Variants in IL23R observed in about 807,000 individuals in gnomAD.
The protein encoded by IL23R is interleukin 23 receptor.
A neutral mutation model predicts 56.9 loss-of-function variants in IL23R; 34 were observed. The observed-to-expected ratio is 0.60, with a 90% CI of 0.45 to 0.80. The LOEUF (loss-of-function observed/expected upper bound fraction) is 0.80, where lower values mean the gene tolerates loss of function less well. Among genes scored for constraint, IL23R ranks in the 30% least tolerant of loss-of-function variants. The pLI is 0.00. For synonymous variants in IL23R, 230 were observed against 249.2 expected (o/e 0.92, Z 0.73); for missense variants, 635 against 730.0 (o/e 0.87, Z 1.50).
chr1:67,178,088 C>T (rs1346071670), intron 3 of IL23R, among the ~76,000 whole-genome samples: 3 of 152,082 alleles, frequency 2.0e-5, no homozygotes, highest in Non-Finnish European at 4.4e-5. Context: ...TTAGGATTGA[C>T]TTGGCGATGC....
rs570051443 is a variant in IL23R at position 67,233,984 on chromosome 1, T to C, written c.956-2729T>C. On this transcript the variant is annotated intron_variant, in intron 7 of 10. Coordinates refer to ENST00000347310, the MANE Select transcript of IL23R (RefSeq NM_144701.3). ...GTGTGTGTGTGTGTGAGATTCTGTG[T>C]TTGCTAATGCTTTTGTATGTTAAAA... Among the ~76,000 whole-genome samples, 5 of 151,402 alleles carry C rather than the reference T, an allele frequency of 3.3e-5. No individual in the cohort carries two copies. The South Asian group carries it at 1.0e-3, about 32-fold the overall frequency.
intron 5 of IL23R, among the ~76,000 whole-genome samples, chr1:67,205,071 G>A (rs1247730583): frequency 1.3e-5 from 2 of 152,110 alleles, no homozygotes; most frequent in African/African-American, 4.8e-5. Context: ...GTGAGCCACT[G>A]CGTCCAGCCT....
At position 67,155,748 on chromosome 1, in the gene IL23R, T is replaced by C. The variant is rs191626689; in HGVS notation, c.-633-12344T>C. On this transcript the variant is annotated intron_variant, in intron 1 of 10. Coordinates refer to the IL23R transcript ENST00000637002. ...CATTGGGTTAGAACATGCTCCTTTA[T>C]CTTGGCAGTTTGTTATTATCCACCT... is the stretch of plus-strand genomic sequence containing the variant. Among the ~76,000 whole-genome samples the C allele has an allele frequency of 1.5e-3, 221 of 152,288 alleles. 1 individual carries two copies. The highest frequency in any genetic ancestry group is 2.4e-3 in the Non-Finnish European group (160 of 67,990).
intron 1 of IL23R, among the ~76,000 whole-genome samples, chr1:67,159,697 G>A (rs114460665): frequency 0.019 from 2,917 of 152,274 alleles, 86 homozygotes; most frequent in African/African-American, 0.066. Flanking sequence ...GTTTGAGGCT[G>A]TAGCATGCTA....
chr1:67,146,732 C>T (rs894216905), intron 1 of IL23R, among the ~76,000 whole-genome samples: 7 of 152,146 alleles, frequency 4.6e-5, no homozygotes, highest in Admixed American at 3.3e-4. Context: ...TTTAGACATG[C>T]CCAGAGAAGA....
Position 67,259,149 on chromosome 1 carries a change from T to C in IL23R, c.*21T>C, listed in dbSNP as rs758389088. On this transcript the variant is annotated 3_prime_UTR_variant, in exon 11 of 11. Transcript: ENST00000347310. ...AGTAGAGCTGTGTGGTCAAAATCAA[T>C]ATGAGAAAGCTGCCTTGCAATCTGA... 4 of 1,612,776 alleles carry C rather than the reference T, an allele frequency of 2.5e-6. No individual in the cohort carries two copies. Among genetic ancestry groups the C allele is most frequent in the Non-Finnish European group, 3.4e-6 (4 of 1,179,174 alleles).
At chr1:67,249,712 G>A (rs970017996) in intron 9 of IL23R, among the ~76,000 whole-genome samples, 2 of 152,008 alleles carry the variant, frequency 1.3e-5, no homozygotes, top group Non-Finnish European at 2.9e-5. Flanking sequence ...GCCCTCTGTA[G>A]CATCCAAAAT....
intron 5 of IL23R, among the ~76,000 whole-genome samples, chr1:67,203,894 A>C (rs1194488702): frequency 1.3e-5 from 2 of 152,188 alleles, no homozygotes; most frequent in African/African-American, 4.8e-5. Flanking sequence ...AGGGAAATAA[A>C]TTCGGGTACA....
chr1:67,232,887 A>T (rs1421475781), intron 7 of IL23R, among the ~76,000 whole-genome samples: 1 of 151,876 alleles, frequency 6.6e-6, no homozygotes, highest in Non-Finnish European at 1.5e-5. Flanking sequence ...GTAAGTTCTC[A>T]TGAGATATGA....
chr1:67,249,906 C>T (rs1431002960), intron 9 of IL23R, among the ~76,000 whole-genome samples: 1 of 152,106 alleles, frequency 6.6e-6, no homozygotes, highest in African/African-American at 2.4e-5. Context: ...CTAAGAAAAA[C>T]ATGTTGTGCT....
intron 2 of IL23R, among the ~76,000 whole-genome samples, chr1:67,169,005 G>C (rs957261218): frequency 6.6e-6 from 1 of 151,998 alleles, no homozygotes; most frequent in Non-Finnish European, 1.5e-5. Context: ...GCCGGGCGTG[G>C]TGGTGCTCAC....
chr1:67,265,427 A>T, the IL23R span, among the ~76,000 whole-genome samples: 1 of 152,238 alleles, frequency 6.6e-6, no homozygotes, highest in South Asian at 2.1e-4. Context: ...ATGATAAAAT[A>T]TGATATTGTC....
chr1:67,153,328 T>C (rs1402449237), intron 1 of IL23R, among the ~76,000 whole-genome samples: 1 of 152,140 alleles, frequency 6.6e-6, no homozygotes, highest in African/African-American at 2.4e-5. Context: ...TCTATTTGAC[T>C]CTTCTCTCTT....
intron 5 of IL23R, among the ~76,000 whole-genome samples, 184 bp from the exon 6 acceptor site, chr1:67,206,726 A>C (rs1649091742): frequency 6.6e-6 from 1 of 151,886 alleles, no homozygotes. Context: ...TTTCCTTAAC[A>C]GCAGTTTTCT....
intron 5 of IL23R, 95 bp downstream of exon 5, chr1:67,200,992 T>A: frequency 7.9e-7 from 1 of 1,268,096 alleles, no homozygotes; most frequent in Non-Finnish European, 1.1e-6. Flanking sequence ...TCCCCTAAAG[T>A]TCCTGCAGAG....
intron 4 of IL23R, among the ~76,000 whole-genome samples, chr1:67,194,030 T>C (rs1647935906): frequency 6.6e-6 from 1 of 152,216 alleles, no homozygotes; most frequent in Non-Finnish European, 1.5e-5. Context: ...ACTTTACTTA[T>C]ATTTATCCAT....
At chr1:67,232,975 G>A (rs190989398) in intron 7 of IL23R, among the ~76,000 whole-genome samples, 13 of 151,866 alleles carry the variant, frequency 8.6e-5, no homozygotes, top group South Asian at 4.2e-4. Context: ...CTGTTTCCCC[G>A]ATCACCATGA....
rs202088028 is a variant in IL23R at position 67,205,899 on chromosome 1, C to CTT, written c.653-1009_653-1008dup. Reference sequence around the variant, plus strand: ...TCTTTCTTTCTTTCTTTCTTTCTTTCTTTCTTTCTTTCTTTCTTTCTTTCT... The same window carrying CTT: ...TCTTTCTTTCTTTCTTTCTTTCTTTCTTTTTCTTTCTTTCTTTCTTTCTTTCT... On this transcript the variant is annotated intron_variant, in intron 5 of 10. Coordinates refer to ENST00000347310, the MANE Select transcript of IL23R (RefSeq NM_144701.3). 6.9e-3 allele frequency among the ~76,000 whole-genome samples: 856 copies of CTT among 123,360 alleles called. 5 individuals are homozygous for CTT. Among genetic ancestry groups the CTT allele is most frequent in the Middle Eastern group, 0.038 (10 of 260 alleles). The allele number at this position is 123,360 out of a possible 152,430, so 80.9% of individuals were successfully genotyped here. A position where few individuals can be genotyped will look rare whatever the true frequency, so the allele number is the denominator to read the frequency against.
chr1:67,217,899 CT>C (rs879736784), intron 6 of IL23R, among the ~76,000 whole-genome samples: 1,920 of 141,050 alleles, frequency 0.014, 28 homozygotes, highest in African/African-American at 0.039. Context: ...ATACCTCATT[CT>C]TTTTTTTTTT....
Sources: allele counts gnomAD v4.1 joint callset (sites outside exome capture counted in the v4.1 genomes callset), GRCh38; gene constraint gnomAD v4.1.1; transcripts MANE v1.5; gene names NCBI Gene and HGNC (gene_info 2026-07-23, HGNC 2026-07-21).